The following DYNC1I1 variants were observed in gnomAD, a reference collection of about 807,000 sequenced individuals.
The protein encoded by DYNC1I1 is cytoplasmic dynein 1 intermediate chain 1.
In DYNC1I1, 43 loss-of-function variants were observed where a neutral mutation model predicts 86.6. That is an observed-to-expected ratio of 0.50 (90% confidence interval 0.39 to 0.64). DYNC1I1 has a LOEUF of 0.64. Ranked by LOEUF, DYNC1I1 falls within the 30% of genes least tolerant of loss-of-function variation. The pLI is 0.00. For missense variants in DYNC1I1, 604 were observed against 788.8 expected (o/e 0.77, Z 2.81); for synonymous variants, 262 against 283.7 (o/e 0.92, Z 0.77).
chr7:95,996,476 G>A (rs1341290164), intron 10 of DYNC1I1, among the ~76,000 whole-genome samples: 1 of 152,166 alleles, frequency 6.6e-6, no homozygotes. Flanking sequence ...GGATTTTGCT[G>A]ACTTTAAGTT....
intron 5 of DYNC1I1, among the ~76,000 whole-genome samples, chr7:95,836,544 A>G (rs1307707787): frequency 6.6e-6 from 1 of 151,608 alleles, no homozygotes; most frequent in Non-Finnish European, 1.5e-5. Flanking sequence ...GTTCTCCTGG[A>G]TAATATCCTG....
intron 6 of DYNC1I1, among the ~76,000 whole-genome samples, chr7:95,914,157 G>A (rs1429101223): frequency 1.3e-5 from 2 of 152,194 alleles, no homozygotes; most frequent in Non-Finnish European, 2.9e-5. Context: ...ACAATTCAAA[G>A]CACATTTCAT....
At chr7:95,994,748 A>T (rs1172117017) in intron 9 of DYNC1I1, among the ~76,000 whole-genome samples, 2 of 152,240 alleles carry the variant, frequency 1.3e-5, no homozygotes, top group Non-Finnish European at 2.9e-5. Context: ...TGACTTAGCC[A>T]AATACATATT....
In DYNC1I1 at chr7:95,898,474, G is replaced by A. The variant is rs187928935; in HGVS notation, c.490+28476G>A. ...ATGCTATTTACATATAACATCTTGG[G>A]GTGATTGGGGGTATAAGGGATGAAT... On this transcript the variant is annotated intron_variant, in intron 6 of 16. Transcript: ENST00000447467. Among the ~76,000 whole-genome samples, 535 of 152,218 alleles carry A rather than the reference G, an allele frequency of 3.5e-3. 1 individual carries two copies. The highest frequency in any genetic ancestry group is 8.8e-3 in the Admixed American group (135 of 15,278).
intron 14 of DYNC1I1, among the ~76,000 whole-genome samples, chr7:96,039,972 A>G (rs1162241375): frequency 6.6e-6 from 1 of 151,970 alleles, no homozygotes; most frequent in Non-Finnish European, 1.5e-5. Flanking sequence ...TGTGGCTCAC[A>G]TCTGTAATCC....
At chr7:96,084,123 G>C (rs2116284267) in intron 16 of DYNC1I1, among the ~76,000 whole-genome samples, 1 of 152,094 alleles carries the variant, frequency 6.6e-6, no homozygotes, top group South Asian at 2.1e-4. Flanking sequence ...AAGTGAGGCT[G>C]TCTTGAAGAG....
At chr7:96,077,282 G>T (rs1052187363) in intron 15 of DYNC1I1, among the ~76,000 whole-genome samples, 7 of 142,284 alleles carry the variant, frequency 4.9e-5, no homozygotes, top group Non-Finnish European at 9.2e-5. Flanking sequence ...TGTGTGGGAG[G>T]GGGCAGGGAA....
chr7:95,799,847 T>C (rs532887853), intron 1 of DYNC1I1, among the ~76,000 whole-genome samples: 1 of 152,054 alleles, frequency 6.6e-6, no homozygotes, highest in South Asian at 2.1e-4. Flanking sequence ...TTTTAAATGA[T>C]TGCAGTGAAC....
At chr7:96,010,236 C>T (rs549217107) in intron 10 of DYNC1I1, among the ~76,000 whole-genome samples, 6 of 152,208 alleles carry the variant, frequency 3.9e-5, no homozygotes, top group African/African-American at 1.2e-4. Context: ...GTGGTTGACC[C>T]GGAACACCCC....
intron 11 of DYNC1I1, among the ~76,000 whole-genome samples, chr7:96,030,899 C>G (rs1271406780): frequency 2.0e-5 from 3 of 152,172 alleles, no homozygotes; most frequent in South Asian, 4.2e-4. Flanking sequence ...CTTCCTGATA[C>G]TTAGAGAACT....
intron 1 of DYNC1I1, among the ~76,000 whole-genome samples, chr7:95,795,177 A>G (rs1294403473): frequency 6.6e-6 from 1 of 152,248 alleles, no homozygotes; most frequent in African/African-American, 2.4e-5. Context: ...AGCATCCATC[A>G]TAACGGCTTT....
chr7:96,069,158 C>A (rs1436032391), intron 14 of DYNC1I1, among the ~76,000 whole-genome samples: 1 of 152,164 alleles, frequency 6.6e-6, no homozygotes, highest in African/African-American at 2.4e-5. Context: ...CTCTAATCAA[C>A]CTGATCATCG....
chr7:95,880,928 G>A (rs1020878408), intron 6 of DYNC1I1, among the ~76,000 whole-genome samples: 5 of 151,930 alleles, frequency 3.3e-5, no homozygotes, highest in South Asian at 2.1e-4. Flanking sequence ...TCACTCGTTC[G>A]TTATCAACAA....
intron 6 of DYNC1I1, among the ~76,000 whole-genome samples, chr7:95,921,663 G>A (rs1315326844): frequency 6.6e-6 from 1 of 152,128 alleles, no homozygotes; most frequent in Non-Finnish European, 1.5e-5. Flanking sequence ...AATCCCGGGA[G>A]TCAAATGTGC....
At chr7:95,885,970 G>T (rs1041441141) in intron 6 of DYNC1I1, among the ~76,000 whole-genome samples, 1 of 152,038 alleles carries the variant, frequency 6.6e-6, no homozygotes, top group Non-Finnish European at 1.5e-5. Context: ...ACTACCAAAG[G>T]TCTTATTATA....
intron 9 of DYNC1I1, among the ~76,000 whole-genome samples, chr7:95,992,405 G>T (rs1410725326): frequency 6.6e-6 from 1 of 152,116 alleles, no homozygotes; most frequent in Non-Finnish European, 1.5e-5. Context: ...GGCTTTTGAA[G>T]CCCAACAGAC....
At chr7:95,915,649 G>A (rs1169760105) in intron 6 of DYNC1I1, among the ~76,000 whole-genome samples, 10 of 152,078 alleles carry the variant, frequency 6.6e-5, no homozygotes, top group Non-Finnish European at 5.9e-5. Flanking sequence ...CTGTCTACAG[G>A]ACTCTGGCAA....
At chr7:95,812,904 A>G (rs1794861156) in intron 3 of DYNC1I1, among the ~76,000 whole-genome samples, 1 of 152,184 alleles carries the variant, frequency 6.6e-6, no homozygotes, top group South Asian at 2.1e-4. Context: ...GTGAAGAATC[A>G]GAATTATCTG....
chr7:96,087,792 G>A (rs1327132462), intron 16 of DYNC1I1, among the ~76,000 whole-genome samples: 1 of 152,150 alleles, frequency 6.6e-6, no homozygotes, highest in Non-Finnish European at 1.5e-5. Flanking sequence ...CCAATGCTGT[G>A]CTATTAAGTC....
Sources: allele counts gnomAD v4.1 joint callset (sites outside exome capture counted in the v4.1 genomes callset), GRCh38; gene constraint gnomAD v4.1.1; transcripts MANE v1.5; gene names NCBI Gene and HGNC (gene_info 2026-07-23, HGNC 2026-07-21).